RORA: variants seen among roughly 807,000 people sequenced by gnomAD.
The protein encoded by RORA is RAR related orphan receptor A, also known as nuclear receptor ROR-alpha.
In RORA, 7 loss-of-function variants were observed where a neutral mutation model predicts 69.5. The observed-to-expected ratio is 0.10, with a 90% confidence interval of 0.06 to 0.19. The LOEUF is 0.19. Ranked by LOEUF, RORA falls within the 10% of genes least tolerant of loss-of-function variation. The pLI is 1.00. For synonymous variants in RORA, 261 were observed against 240.8 expected, an observed-to-expected ratio of 1.08 and a Z score of -0.78; for missense variants, 457 against 663.0, an observed-to-expected ratio of 0.69 and a Z score of 3.41.
At chr15:61,211,987 C>T (rs2079996333) in intron 1 of RORA, 1 of 152,162 alleles carries the variant, frequency 6.6e-6, no homozygotes, top group Non-Finnish European at 1.5e-5. Context: ...ATTTCTTTTT[C>T]TCTTCCTGAT....
At chr15:61,171,146 A>T (rs1011062986) in intron 1 of RORA, among the ~76,000 whole-genome samples, 2 of 152,128 alleles carry the variant, frequency 1.3e-5, no homozygotes, top group African/African-American at 4.8e-5. Context: ...TGATCATCAA[A>T]ACTACACCAG....
intron 1 of RORA, among the ~76,000 whole-genome samples, chr15:60,776,612 A>C (rs17204454): frequency 0.39 from 59,283 of 152,132 alleles, 12,513 homozygotes; most frequent in Admixed American, 0.48. Context: ...CTGCACTAAA[A>C]GGGTAAGAAG....
At chr15:61,150,300 C>T (rs2079386944) in intron 1 of RORA, among the ~76,000 whole-genome samples, 1 of 152,208 alleles carries the variant, frequency 6.6e-6, no homozygotes, top group Non-Finnish European at 1.5e-5. Flanking sequence ...GCTTATAAAG[C>T]TCTACATCAA....
At chr15:61,102,140 T>A (rs1013623167) in intron 1 of RORA, among the ~76,000 whole-genome samples, 5 of 152,160 alleles carry the variant, frequency 3.3e-5, no homozygotes, top group African/African-American at 1.2e-4. Flanking sequence ...GCCCGTGTCA[T>A]TGCCCCACTG....
At chr15:60,894,468 C>A (rs182857132) in intron 1 of RORA, among the ~76,000 whole-genome samples, 1 of 152,126 alleles carries the variant, frequency 6.6e-6, no homozygotes, top group African/African-American at 2.4e-5. Context: ...ATGAGGCTTC[C>A]GAAGTCACAA....
chr15:60,827,050 ATAT>A (rs908985824), intron 1 of RORA, among the ~76,000 whole-genome samples: 2 of 152,172 alleles, frequency 1.3e-5, no homozygotes, highest in African/African-American at 4.8e-5. Context: ...TTGAAAAACA[ATAT>A]TAACGCCATT....
At chr15:61,126,013 T>C (rs1230356037) in intron 1 of RORA, among the ~76,000 whole-genome samples, 12 of 152,228 alleles carry the variant, frequency 7.9e-5, no homozygotes, top group Admixed American at 5.9e-4. Context: ...TGAAATCTTG[T>C]ATTACATTAA....
chr15:61,012,191 T>C (rs1895108093), intron 1 of RORA, among the ~76,000 whole-genome samples: 1 of 152,200 alleles, frequency 6.6e-6, no homozygotes, highest in Non-Finnish European at 1.5e-5. Flanking sequence ...TCTCATAAGA[T>C]TGTTTGGAGG....
chr15:60,733,773 T>C (rs1362646808), intron 1 of RORA, among the ~76,000 whole-genome samples: 1 of 152,134 alleles, frequency 6.6e-6, no homozygotes, highest in African/African-American at 2.4e-5. Flanking sequence ...AAAAGAGTTA[T>C]GGAAACAAAC....
At chr15:60,611,466 T>G (rs2069083976) in intron 2 of RORA, among the ~76,000 whole-genome samples, 3 of 149,316 alleles carry the variant, frequency 2.0e-5, no homozygotes, top group African/African-American at 7.4e-5. Context: ...GATATGAAAA[T>G]GCATCTTTTT....
At chr15:61,001,998 A>G (rs752913469) in intron 1 of RORA, among the ~76,000 whole-genome samples, 2 of 152,356 alleles carry the variant, frequency 1.3e-5, no homozygotes, top group South Asian at 2.1e-4. Flanking sequence ...GGGGGCAGCC[A>G]TGAACAGGCA....
chr15:60,631,561 C>T (rs2069737241), intron 2 of RORA, among the ~76,000 whole-genome samples: 1 of 151,990 alleles, frequency 6.6e-6, no homozygotes, highest in Admixed American at 6.6e-5. Flanking sequence ...CACTACTTGA[C>T]AGTTTTATTA....
intron 1 of RORA, among the ~76,000 whole-genome samples, chr15:61,165,164 TG>T (rs2079530135): frequency 6.6e-6 from 1 of 152,254 alleles, no homozygotes; most frequent in Middle Eastern, 3.4e-3. Flanking sequence ...TTCACCTTCC[TG>T]CTGCCTCAAC....
chr15:60,868,796 AT>A (rs1484136300), intron 1 of RORA, among the ~76,000 whole-genome samples: 2 of 152,186 alleles, frequency 1.3e-5, no homozygotes, highest in Admixed American at 1.3e-4. Flanking sequence ...ATATTAAAGC[AT>A]TTTCCAGGGG....
Position 60,492,142 on chromosome 15 carries a change from A to C in RORA, c.*5313T>G, listed in dbSNP as rs958108582. On this transcript the variant is annotated 3_prime_UTR_variant, in exon 11 of 11. Transcript: ENST00000335670. Reference sequence around the variant, plus strand: ...TAAAGGTATCCTTTTCATCTTACAGACATGGGAAGTTTTCCCAGATTATGT... The same window carrying C: ...TAAAGGTATCCTTTTCATCTTACAGCCATGGGAAGTTTTCCCAGATTATGT... 1 of 152,186 alleles carries C rather than the reference A, an allele frequency of 6.6e-6. No homozygotes were observed. The highest frequency in any genetic ancestry group is 1.5e-5 in the Non-Finnish European group (1 of 68,012). 9.4% of individuals were successfully genotyped at this position (152,186 alleles called of 1,614,324 possible).
chr15:60,613,696 CTGTGTGTGTGTGTGTGTGTGTG>C (rs66616801), intron 2 of RORA, among the ~76,000 whole-genome samples: 3 of 125,324 alleles, frequency 2.4e-5, no homozygotes, highest in South Asian at 2.8e-4. Context: ...AATTTGATAT[CTGTGTGTGTGTGTGTGTGTGTG>C]TGTGTGTGTG....
chr15:60,881,702 G>A (rs1346367430), intron 1 of RORA, among the ~76,000 whole-genome samples: 3 of 152,114 alleles, frequency 2.0e-5, no homozygotes, highest in African/African-American at 4.8e-5. Flanking sequence ...CTGAACAATG[G>A]TTGCATTAAA....
chr15:60,642,840 C>T lies in RORA; in HGVS notation c.196+35817G>A, dbSNP rs145781496. On this transcript the variant is annotated intron_variant, in intron 2 of 10. Coordinates refer to ENST00000335670, the MANE Select transcript of RORA (RefSeq NM_134261.3). ...TCAGTGAGCTATGATCACGCCATTGCACTCCAGCCTGGGCAACAGAGAGAG... is the reference window on the plus strand; with the variant it reads ...TCAGTGAGCTATGATCACGCCATTGTACTCCAGCCTGGGCAACAGAGAGAG... 5.3e-3 allele frequency among the ~76,000 whole-genome samples: 812 copies of T among 152,298 alleles called. 7 individuals are homozygous for T. The highest frequency in any genetic ancestry group is 0.018 in the African/African-American group (764 of 41,558).
chr15:60,639,457 C>G (rs565065445), intron 2 of RORA, among the ~76,000 whole-genome samples: 4 of 152,168 alleles, frequency 2.6e-5, no homozygotes, highest in South Asian at 2.1e-4. Context: ...CATGTCAAGT[C>G]TCTGCTCTAC....
Sources: allele counts gnomAD v4.1 joint callset (sites outside exome capture counted in the v4.1 genomes callset), GRCh38; gene constraint gnomAD v4.1.1; transcripts MANE v1.5; gene names NCBI Gene and HGNC (gene_info 2026-07-23, HGNC 2026-07-21).